The following INSC variants were observed in gnomAD, a reference collection of about 807,000 sequenced individuals.
INSC encodes the protein protein inscuteable homolog.
INSC carries 67 observed loss-of-function variants against 58.6 expected under a neutral mutation model. That is an observed-to-expected ratio of 1.14 (90% confidence interval 0.94 to 1.40). The LOEUF (loss-of-function observed/expected upper bound fraction) is 1.40, where lower values mean the gene tolerates loss of function less well. Among genes scored for constraint, INSC ranks in the 40% most tolerant of loss-of-function variants. INSC has a pLI of 0.00. For synonymous variants in INSC, 262 were observed against 276.1 expected, an observed-to-expected ratio of 0.95 and a Z score of 0.51; for missense variants, 714 against 692.0, an observed-to-expected ratio of 1.03 and a Z score of -0.36.
chr11:15,229,968 A>ATAATAT (rs1851810707), intron 9 of INSC, among the ~76,000 whole-genome samples: 3 of 14,694 alleles, frequency 2.0e-4, no homozygotes, highest in African/African-American at 3.0e-4. Flanking sequence ...ATTTATATAT[A>ATAATAT]TATATATATA....
At chr11:15,172,485 G>A (rs1232414888) in intron 2 of INSC, among the ~76,000 whole-genome samples, 5 of 152,216 alleles carry the variant, frequency 3.3e-5, no homozygotes, top group African/African-American at 9.7e-5. Context: ...GTTCCTCACA[G>A]GACTTGGGGA....
At chr11:15,256,396 T>C in the INSC span, among the ~76,000 whole-genome samples, 1 of 152,214 alleles carries the variant, frequency 6.6e-6, no homozygotes, top group African/African-American at 2.4e-5. Context: ...ATGGTGCATC[T>C]TGAGAAATGT....
At chr11:15,170,940 C>T (rs1945596) in intron 2 of INSC, among the ~76,000 whole-genome samples, 1 of 152,090 alleles carries the variant, frequency 6.6e-6, no homozygotes, top group Non-Finnish European at 1.5e-5. Context: ...CTCCAATTCT[C>T]CTACTAGCAG....
intron 8 of INSC, among the ~76,000 whole-genome samples, chr11:15,222,289 AATTTTTTG>A (rs559458977): frequency 0.011 from 1,704 of 152,256 alleles, 9 homozygotes; most frequent in Non-Finnish European, 0.016. Flanking sequence ...ATCCCCAGGG[AATTTTTTG>A]TGACCCACCT....
intron 8 of INSC, among the ~76,000 whole-genome samples, chr11:15,224,839 T>C (rs76930231): frequency 0.057 from 8,608 of 152,268 alleles, 349 homozygotes; most frequent in African/African-American, 0.11. Flanking sequence ...TGGTTAGGGC[T>C]AAGCTAGGAC....
intron 11 of INSC, among the ~76,000 whole-genome samples, chr11:15,239,528 C>T (rs1400002527): frequency 3.3e-5 from 5 of 152,178 alleles, no homozygotes; most frequent in Non-Finnish European, 5.9e-5. Context: ...CTCATTCATT[C>T]AGTCACTTAT....
intron 6 of INSC, among the ~76,000 whole-genome samples, chr11:15,198,069 C>T (rs1221185083): frequency 1.3e-5 from 2 of 152,158 alleles, no homozygotes; most frequent in East Asian, 1.9e-4. Flanking sequence ...TCCTCTGTGG[C>T]TTTCTTCCTT....
At position 15,174,686 on chromosome 11, in the gene INSC, G is replaced by A. The variant is rs571880318; in HGVS notation, c.57-1055G>A. Among the ~76,000 whole-genome samples, 317 of 152,354 alleles carry A rather than the reference G, an allele frequency of 2.1e-3. 1 individual carries two copies. The highest frequency in any genetic ancestry group is 7.4e-3 in the African/African-American group (306 of 41,584). The stretch of plus-strand genomic sequence containing the variant: ...TAGTCATTAGCTATGCATGTCTTCT[G>A]TTGTGAAATGATAGTGAAATTTGTT... On this transcript the variant is annotated intron_variant, in intron 2 of 12. Coordinates refer to ENST00000379556, the MANE Select transcript of INSC (RefSeq NM_001042536.3).
At chr11:15,193,316 T>C (rs1056739657) in intron 6 of INSC, among the ~76,000 whole-genome samples, 9 of 152,228 alleles carry the variant, frequency 5.9e-5, no homozygotes, top group South Asian at 4.1e-4. Flanking sequence ...TATTATACTT[T>C]AAGTTCTAGG....
At chr11:15,196,608 A>G (rs556605745) in intron 6 of INSC, among the ~76,000 whole-genome samples, 5 of 152,296 alleles carry the variant, frequency 3.3e-5, no homozygotes, top group African/African-American at 9.6e-5. Flanking sequence ...AGGCATTGGC[A>G]GGAGATGGGG....
At chr11:15,116,308 C>A (rs1481608523) in intron 1 of INSC, among the ~76,000 whole-genome samples, 2 of 152,142 alleles carry the variant, frequency 1.3e-5, no homozygotes. Flanking sequence ...TGGGTTGGGT[C>A]CCAAGGCAAC....
downstream of INSC, among the ~76,000 whole-genome samples, chr11:15,249,054 G>C (rs1451385907): frequency 6.6e-6 from 1 of 152,214 alleles, no homozygotes; most frequent in Non-Finnish European, 1.5e-5. Flanking sequence ...GTGACATGGA[G>C]TCTGGGCAGG....
At chr11:15,252,849 C>G in the INSC span, among the ~76,000 whole-genome samples, 1 of 152,186 alleles carries the variant, frequency 6.6e-6, no homozygotes, top group African/African-American at 2.4e-5. Flanking sequence ...TGCTACTTTA[C>G]TAGTCACATT....
chr11:15,258,634 A>G, the INSC span, among the ~76,000 whole-genome samples: 191 of 152,314 alleles, frequency 1.3e-3, 1 homozygote, highest in African/African-American at 4.1e-3. Context: ...AGACTCAAGA[A>G]TTCATACTGA....
chr11:15,114,101 C>T (rs1272823789), upstream of INSC, among the ~76,000 whole-genome samples: 1 of 151,532 alleles, frequency 6.6e-6, no homozygotes. Flanking sequence ...GCTCTGGGAG[C>T]CTCATAGCAA....
downstream of INSC, among the ~76,000 whole-genome samples, chr11:15,247,489 GATT>G (rs1486710029): frequency 1.3e-5 from 2 of 152,076 alleles, no homozygotes; most frequent in East Asian, 3.9e-4. Flanking sequence ...ATGTGATGAT[GATT>G]ATTATTATTA....
intron 2 of INSC, among the ~76,000 whole-genome samples, chr11:15,163,620 T>G (rs1003517231): frequency 6.6e-6 from 1 of 152,204 alleles, no homozygotes; most frequent in African/African-American, 2.4e-5. Context: ...GATGGAGTCT[T>G]GCTCTGTCGC....
At chr11:15,260,531 T>C in the INSC span, among the ~76,000 whole-genome samples, 8 of 152,186 alleles carry the variant, frequency 5.3e-5, no homozygotes, top group African/African-American at 1.9e-4. Context: ...GAGAATAACA[T>C]CAAGCTCACA....
At chr11:15,249,691 G>C (rs866608483), downstream of INSC, among the ~76,000 whole-genome samples, 5 of 152,222 alleles carry the variant, frequency 3.3e-5, 1 homozygote, top group Non-Finnish European at 4.4e-5. Flanking sequence ...ACCAAAGGCT[G>C]TGGCCAGAAG....
Sources: allele counts gnomAD v4.1 joint callset (sites outside exome capture counted in the v4.1 genomes callset), GRCh38; gene constraint gnomAD v4.1.1; transcripts MANE v1.5; gene names NCBI Gene and HGNC (gene_info 2026-07-23, HGNC 2026-07-21).